HS3ST4: variants seen among roughly 807,000 people sequenced by gnomAD.
HS3ST4 encodes the protein heparan sulfate-glucosamine 3-sulfotransferase 4, also known as heparan sulfate glucosamine 3-O-sulfotransferase 4.
A neutral mutation model predicts 29.2 loss-of-function variants in HS3ST4; 17 were observed. The observed-to-expected ratio is 0.58, with a 90% CI of 0.40 to 0.87. The LOEUF (loss-of-function observed/expected upper bound fraction) is 0.87, where lower values mean the gene tolerates loss of function less well. Ranked by LOEUF, HS3ST4 falls within the 40% of genes least tolerant of loss-of-function variation. The pLI is 0.00. For synonymous variants in HS3ST4, 314 were observed against 285.7 expected (o/e 1.10, Z -1.00); for missense variants, 627 against 634.5 (o/e 0.99, Z 0.13).
chr16:26,005,490 T>C (rs1969249989), intron 1 of HS3ST4, among the ~76,000 whole-genome samples: 4 of 152,200 alleles, frequency 2.6e-5, no homozygotes, highest in Admixed American at 2.6e-4. Context: ...AGCCTGGTAA[T>C]AGGGCTTATC....
intron 1 of HS3ST4, among the ~76,000 whole-genome samples, chr16:25,964,113 G>A (rs1308049656): frequency 1.3e-5 from 2 of 151,554 alleles, no homozygotes; most frequent in East Asian, 3.9e-4. Context: ...AAGAGGAGGT[G>A]GCAGGGAGCC....
chr16:25,875,300 A>G (rs1967818576), intron 1 of HS3ST4, among the ~76,000 whole-genome samples: 1 of 152,070 alleles, frequency 6.6e-6, no homozygotes, highest in Non-Finnish European at 1.5e-5. Context: ...ACTTGGTCCC[A>G]TTTGAGGAGG....
At chr16:25,711,866 T>A (rs1430214415) in intron 1 of HS3ST4, among the ~76,000 whole-genome samples, 1 of 152,198 alleles carries the variant, frequency 6.6e-6, no homozygotes, top group Non-Finnish European at 1.5e-5. Flanking sequence ...TGGCCTCAAG[T>A]GACCTGCTCG....
chr16:25,745,613 C>T (rs964749981), intron 1 of HS3ST4, among the ~76,000 whole-genome samples: 1 of 152,058 alleles, frequency 6.6e-6, no homozygotes. Context: ...ATGTAACTAC[C>T]ACAACCATCA....
chr16:26,092,325 G>A (rs1333805973), intron 1 of HS3ST4, among the ~76,000 whole-genome samples: 2 of 152,120 alleles, frequency 1.3e-5, no homozygotes, highest in Non-Finnish European at 2.9e-5. Flanking sequence ...ATATGAACTT[G>A]ACCAAAGAGA....
chr16:26,080,275 C>G (rs1469276881), intron 1 of HS3ST4, among the ~76,000 whole-genome samples: 1 of 152,018 alleles, frequency 6.6e-6, no homozygotes, highest in Non-Finnish European at 1.5e-5. Flanking sequence ...AATGGCAGCA[C>G]AGAAAAGAAT....
intron 1 of HS3ST4, among the ~76,000 whole-genome samples, chr16:25,891,702 G>C (rs1968009984): frequency 6.6e-6 from 1 of 152,214 alleles, no homozygotes; most frequent in African/African-American, 2.4e-5. Flanking sequence ...AAATGATGTT[G>C]TAAGAAAGCT....
chr16:25,750,908 A>G (rs769157161), intron 1 of HS3ST4, among the ~76,000 whole-genome samples: 1 of 152,136 alleles, frequency 6.6e-6, no homozygotes, highest in Non-Finnish European at 1.5e-5. Context: ...CAGCATTTGA[A>G]TGAGTCTCTA....
chr16:26,021,989 G>T (rs1969417931), intron 1 of HS3ST4, among the ~76,000 whole-genome samples: 1 of 150,174 alleles, frequency 6.7e-6, no homozygotes, highest in Admixed American at 6.6e-5. Context: ...GGGGGACAGG[G>T]TCTTGCTACA....
rs536012944 is a variant in HS3ST4 at position 25,765,441 on chromosome 16, G to A, written c.734+72290G>A. 3.3e-5 allele frequency among the ~76,000 whole-genome samples: 5 copies of A among 152,296 alleles called. No individual in the cohort carries two copies. The South Asian group carries it at 1.0e-3, about 32-fold the overall frequency. On this transcript the variant is annotated intron_variant, in intron 1 of 1. Transcript: ENST00000331351. ...CAAGGGCCAATTCAGAATGGGTTTA[G>A]AGCTGGGATTAGGGTACATGGACCT...
chr16:26,134,736 T>C (rs1016263609), intron 1 of HS3ST4, among the ~76,000 whole-genome samples: 4 of 152,218 alleles, frequency 2.6e-5, no homozygotes, highest in African/African-American at 9.6e-5. Context: ...GTTTATTCCC[T>C]GTCCCTGGGC....
In HS3ST4 at chr16:25,692,665, C is replaced by T; in HGVS notation, c.248C>T (p.Ser83Phe). 6.0e-6 allele frequency: 8 copies of T among 1,327,612 alleles called. No homozygotes were observed. The highest frequency in any genetic ancestry group is 7.7e-6 in the Non-Finnish European group (8 of 1,032,472). 82.2% of individuals were successfully genotyped at this position (1,327,612 alleles called of 1,614,324 possible). The change falls in exon 1 of 2, where the codon TCT becomes TTT. Residue 83 changes from serine to phenylalanine, a missense_variant. Around this residue, in one of 2 missense-constraint regions of HS3ST4, gnomAD observed 402 missense variants for 340.8 expected, o/e 1.18. Transcript: ENST00000331351. ...CCCCCGCCGAGCCCGCCGCCACCCT[C>T]TCTGCTGCCTACCCCCGTGCGCCTC... is the stretch of plus-strand genomic sequence containing the variant. ...AEPPPSPPPP[S>F]LLPTPVRLGA...
intron 1 of HS3ST4, among the ~76,000 whole-genome samples, chr16:25,693,428 G>C (rs994362745): frequency 1.6e-4 from 24 of 152,300 alleles, no homozygotes; most frequent in African/African-American, 5.8e-4. Flanking sequence ...AATCTGCCCA[G>C]CTCCAAGCCT....
chr16:26,113,958 A>G (rs1159240373), intron 1 of HS3ST4, among the ~76,000 whole-genome samples: 1 of 152,294 alleles, frequency 6.6e-6, no homozygotes, highest in South Asian at 2.1e-4. Flanking sequence ...ATGTAGGTAT[A>G]TATGTATGTA....
chr16:26,128,333 A>G (rs1367078783), intron 1 of HS3ST4, among the ~76,000 whole-genome samples: 1 of 152,236 alleles, frequency 6.6e-6, no homozygotes, highest in East Asian at 1.9e-4. Context: ...ATAAGCACCA[A>G]TACATACTCA....
rs1394504972 is a variant in HS3ST4, at chr16:26,135,640, C to A, written c.763C>A (p.Gln255Lys). 2 of 1,609,352 alleles carry A rather than the reference C, an allele frequency of 1.2e-6. No homozygotes were observed. The highest frequency in any genetic ancestry group is 1.7e-6 in the Non-Finnish European group (2 of 1,177,906). The change falls in exon 2 of 2, where the codon CAA becomes AAA. Residue 255 changes from glutamine (Q) to lysine (K), a missense_variant. Gln to Lys is a moderately conservative substitution (Grantham distance 53). Around this residue, in one of 2 missense-constraint regions of HS3ST4, gnomAD observed 225 missense variants for 293.7 expected, o/e 0.77. Coordinates refer to ENST00000331351, the MANE Select transcript of HS3ST4 (RefSeq NM_006040.3). ...TGTGATGCCCAAGACTTTGGATGGG[C>A]AAATAACCATGGAGAAGACTCCAAG... ...RNVMPKTLDG[Q>K]ITMEKTPSYF... is the part of the protein sequence containing the mutation.
intron 1 of HS3ST4, among the ~76,000 whole-genome samples, chr16:26,112,445 C>T (rs1341966540): frequency 4.4e-5 from 6 of 135,958 alleles, no homozygotes; most frequent in Non-Finnish European, 9.2e-5. Context: ...TGCAGTGACA[C>T]GACCTTGGCC....
chr16:25,992,699 C>T (rs868025589), intron 1 of HS3ST4, among the ~76,000 whole-genome samples: 11 of 152,188 alleles, frequency 7.2e-5, no homozygotes, highest in Non-Finnish European at 8.8e-5. Flanking sequence ...AGCCCCTTGG[C>T]GAAACTTTGA....
At chr16:25,761,750 G>C (rs147650446) in intron 1 of HS3ST4, among the ~76,000 whole-genome samples, 68 of 152,276 alleles carry the variant, frequency 4.5e-4, no homozygotes, top group African/African-American at 1.3e-3. Flanking sequence ...CCTCTATTGT[G>C]CCCCACGGGC....
Sources: gnomAD v4.1 joint callset for allele counts (sites outside exome capture counted in the v4.1 genomes callset) on GRCh38, gnomAD v4.1.1 for gene constraint, gnomAD v4.1.1 regional missense constraint, MANE v1.5 for transcripts, NCBI Gene and HGNC (gene_info 2026-07-23, HGNC 2026-07-21) for gene names.